NALCN: variants seen among roughly 807,000 people sequenced by gnomAD.
The protein encoded by NALCN is sodium leak channel NALCN.
Under a neutral mutation model 225.3 loss-of-function variants are expected in NALCN, and 111 were observed. The observed-to-expected ratio is 0.49, with a 90% CI of 0.42 to 0.58. The LOEUF (loss-of-function observed/expected upper bound fraction) is 0.58, where lower values mean the gene tolerates loss of function less well. Ranked by LOEUF, NALCN falls within the 20% of genes least tolerant of loss-of-function variation. NALCN has a pLI of 0.00. For synonymous variants in NALCN, 764 were observed against 769.0 expected (o/e 0.99, Z 0.11); for missense variants, 1,378 against 2,202.4 (o/e 0.63, Z 7.49).
At chr13:101,179,921 T>G (rs1354090053) in intron 14 of NALCN, among the ~76,000 whole-genome samples, 1 of 152,154 alleles carries the variant, frequency 6.6e-6, no homozygotes, top group Non-Finnish European at 1.5e-5. Flanking sequence ...CCTCTGTCCC[T>G]CGGCTTGTGG....
intron 3 of NALCN, among the ~76,000 whole-genome samples, chr13:101,386,804 A>C (rs934598780): frequency 2.0e-5 from 3 of 152,156 alleles, no homozygotes; most frequent in Admixed American, 2.0e-4. Flanking sequence ...TAACATTGCC[A>C]AAATTGGCTA....
At chr13:101,197,364 C>T (rs532168608) in intron 13 of NALCN, among the ~76,000 whole-genome samples, 10 of 152,088 alleles carry the variant, frequency 6.6e-5, no homozygotes, top group South Asian at 2.1e-4. Context: ...AGCTGCTATT[C>T]GGAGAAAATG....
In NALCN at chr13:101,065,813, G is replaced by A. The variant is rs9585613; in HGVS notation, c.4447-252C>T. Among the ~76,000 whole-genome samples, 12,383 of 152,104 alleles carry A rather than the reference G, an allele frequency of 0.081. 567 individuals are homozygous for A. The highest frequency in any genetic ancestry group is 0.16 in the South Asian group (749 of 4,814). The stretch of plus-strand genomic sequence containing the variant: ...ATGTCACCACATTGCAGCATTTGGA[G>A]TGAGGCATGGGAAGCTCCCCTTCAG... On this transcript the variant is annotated intron_variant, in intron 39 of 43. Coordinates refer to ENST00000251127, the MANE Select transcript of NALCN (RefSeq NM_052867.4).
At chr13:101,056,246 C>CTTTTTTTTTTT (rs34583741) in intron 43 of NALCN, among the ~76,000 whole-genome samples, 1 of 45,830 alleles carries the variant, frequency 2.2e-5, no homozygotes, top group African/African-American at 9.2e-5. Context: ...AGTGGAAGTA[C>CTTTTTTTTTTT]TTTTTTTTTT....
chr13:101,275,226 A>G (rs192105777), intron 10 of NALCN, among the ~76,000 whole-genome samples: 3 of 152,246 alleles, frequency 2.0e-5, no homozygotes, highest in Non-Finnish European at 4.4e-5. Flanking sequence ...ACACCCAGTC[A>G]CAATCAGCCA....
chr13:101,236,988 A>C (rs2041584881), intron 12 of NALCN, among the ~76,000 whole-genome samples: 1 of 151,370 alleles, frequency 6.6e-6, no homozygotes, highest in Non-Finnish European at 1.5e-5. Context: ...ATAAATGACC[A>C]AGTTTGAATC....
At chr13:101,342,255 C>G (rs957805216) in intron 7 of NALCN, among the ~76,000 whole-genome samples, 34 of 152,188 alleles carry the variant, frequency 2.2e-4, no homozygotes, top group African/African-American at 7.0e-4. Flanking sequence ...TTGGATCACT[C>G]TAAGGTTGTG....
intron 3 of NALCN, among the ~76,000 whole-genome samples, chr13:101,383,130 G>A (rs1054348444): frequency 2.2e-4 from 33 of 152,038 alleles, no homozygotes; most frequent in African/African-American, 7.2e-4. Flanking sequence ...CCATCTTCCC[G>A]AAAAATTCTG....
intron 9 of NALCN, among the ~76,000 whole-genome samples, chr13:101,287,631 T>C (rs950032754): frequency 6.6e-6 from 1 of 152,206 alleles, no homozygotes; most frequent in Non-Finnish European, 1.5e-5. Flanking sequence ...AAGAAGATGT[T>C]CTGAATTAGT....
chr13:101,144,245 C>T (rs976711303), intron 16 of NALCN, among the ~76,000 whole-genome samples: 13 of 152,154 alleles, frequency 8.5e-5, no homozygotes, highest in Non-Finnish European at 1.5e-4. Flanking sequence ...AGTGGAAAAA[C>T]GCCACGGTTC....
At chr13:101,135,259 CA>C (rs1357669696) in intron 17 of NALCN, among the ~76,000 whole-genome samples, 1 of 152,084 alleles carries the variant, frequency 6.6e-6, no homozygotes, top group Non-Finnish European at 1.5e-5. Flanking sequence ...AAGTAAAATA[CA>C]AAATGACTTT....
chr13:101,066,992 G>A (rs1001001279), intron 39 of NALCN, among the ~76,000 whole-genome samples: 1 of 151,822 alleles, frequency 6.6e-6, no homozygotes, highest in Non-Finnish European at 1.5e-5. Flanking sequence ...TTTAACTTCT[G>A]GAAATACTGC....
chr13:101,321,019 T>C lies in NALCN; in HGVS notation c.799+24247A>G, dbSNP rs374341959. 1.1e-4 allele frequency among the ~76,000 whole-genome samples: 16 copies of C among 152,280 alleles called. No homozygotes were observed. In the South Asian group the frequency reaches 3.3e-3, roughly 32 times the overall value. On this transcript the variant is annotated intron_variant, in intron 7 of 43. Coordinates refer to ENST00000251127, the MANE Select transcript of NALCN (RefSeq NM_052867.4). The stretch of plus-strand genomic sequence containing the variant: ...TGACAATACCATTCAATGATGCCGA[T>C]GTTATGACAAAGTCATTCTTGATTC...
At chr13:101,157,573 T>C (rs541842413) in intron 15 of NALCN, among the ~76,000 whole-genome samples, 5 of 152,298 alleles carry the variant, frequency 3.3e-5, no homozygotes, top group South Asian at 2.1e-4. Flanking sequence ...GGATTATAAA[T>C]GAGGATAAAA....
intron 27 of NALCN, among the ~76,000 whole-genome samples, chr13:101,098,881 C>A (rs998292961): frequency 3.3e-5 from 5 of 151,610 alleles, no homozygotes; most frequent in Admixed American, 6.6e-5. Context: ...GGTGCTGGTG[C>A]TCTCTATGAT....
intron 10 of NALCN, among the ~76,000 whole-genome samples, chr13:101,280,607 T>A (rs867672993): frequency 3.9e-5 from 6 of 152,294 alleles, no homozygotes; most frequent in Middle Eastern, 6.8e-3. Context: ...CGACTCTGAT[T>A]TGGCACTCAG....
chr13:101,172,478 C>T (rs942412197), intron 15 of NALCN, among the ~76,000 whole-genome samples: 18 of 152,264 alleles, frequency 1.2e-4, no homozygotes, highest in Middle Eastern at 3.4e-3. Context: ...AGCTTAAGGG[C>T]GGCCTCTCCT....
chr13:101,232,450 C>CTTTT lies in NALCN; in HGVS notation c.1435-2870_1435-2867dup, dbSNP rs11400612. ...TTTCCTGCTGTAATTCTTTTCTTTTCTTTTTTTTTTTTTGTGACGGAGTCT... is the reference window on the plus strand; with the variant it reads ...TTTCCTGCTGTAATTCTTTTCTTTTCTTTTTTTTTTTTTTTTTGTGACGGAGTCT... On this transcript the variant is annotated intron_variant, in intron 12 of 43. Transcript: ENST00000251127. 4.9e-5 allele frequency among the ~76,000 whole-genome samples: 7 copies of CTTTT among 142,664 alleles called. No individual in the cohort carries two copies. In the East Asian group the frequency reaches 1.2e-3, roughly 25 times the overall value. 93.6% of individuals were successfully genotyped at this position (142,664 alleles called of 152,430 possible).
intron 6 of NALCN, 52 bp downstream of exon 6, chr13:101,376,648 A>G (rs1387782744): frequency 6.5e-7 from 1 of 1,545,928 alleles, no homozygotes; most frequent in Non-Finnish European, 8.7e-7. Flanking sequence ...AAAATTACAG[A>G]GATATCTTTG....
Sources: gnomAD v4.1 joint callset for allele counts (sites outside exome capture counted in the v4.1 genomes callset) on GRCh38, gnomAD v4.1.1 for gene constraint, MANE v1.5 for transcripts, NCBI Gene and HGNC (gene_info 2026-07-23, HGNC 2026-07-21) for gene names.